Variants in PALD1 observed in about 807,000 individuals in gnomAD.
PALD1 encodes the protein phosphatase domain containing paladin 1, also known as paladin.
A neutral mutation model predicts 96.0 loss-of-function variants in PALD1; 57 were observed. The observed-to-expected ratio is 0.59, with a 90% CI of 0.48 to 0.74. The LOEUF is 0.74. Among genes scored for constraint, PALD1 ranks in the 30% least tolerant of loss-of-function variants. The pLI is 0.00. For synonymous variants in PALD1, 464 were observed against 473.6 expected (o/e 0.98, Z 0.26); for missense variants, 1,063 against 1,143.7 (o/e 0.93, Z 1.02).
chr10:70,550,217 T>C (rs1040443435), intron 18 of PALD1, among the ~76,000 whole-genome samples: 15 of 152,200 alleles, frequency 9.9e-5, no homozygotes, highest in African/African-American at 3.1e-4. Context: ...ATTTAGTTGG[T>C]AGGGGTGTCT....
chr10:70,470,292 T>G, the PALD1 span, among the ~76,000 whole-genome samples: 158 of 152,318 alleles, frequency 1.0e-3, no homozygotes, highest in African/African-American at 3.7e-3. Context: ...TACTATTCTC[T>G]ACATTTGTGC....
At chr10:70,507,010 T>G (rs546099062) in intron 1 of PALD1, among the ~76,000 whole-genome samples, 1 of 152,258 alleles carries the variant, frequency 6.6e-6, no homozygotes, top group East Asian at 1.9e-4. Flanking sequence ...TAAAACCCCA[T>G]CTGTGCTGTC....
intron 18 of PALD1, among the ~76,000 whole-genome samples, chr10:70,563,453 G>T (rs995856617): frequency 3.3e-5 from 5 of 152,190 alleles, no homozygotes; most frequent in African/African-American, 1.2e-4. Context: ...GCCCCAGCAC[G>T]TGGCCTGGTG....
At position 70,526,095 on chromosome 10, in the gene PALD1, C is replaced by G; in HGVS notation, c.144C>G (p.Ala48=). The change falls in exon 2 of 20, where the codon GCC becomes GCG. Residue 48 remains alanine, a synonymous_variant. Transcript: ENST00000263563. ...GCACTAGCTTGCATAACAGCAAGGC[C>G]AAGTCCATCATCCCCAACAAGGTGG... ...FQSTSLHNSK[A]KSIIPNKVAP... is the part of the protein sequence containing the mutation. The G allele has an allele frequency of 1.9e-6, 3 of 1,614,196 alleles. No individual in the cohort carries two copies. Among genetic ancestry groups the G allele is most frequent in the Non-Finnish European group, 8.5e-7 (1 of 1,180,004 alleles).
the PALD1 span, among the ~76,000 whole-genome samples, chr10:70,459,218 T>G: frequency 6.6e-6 from 1 of 152,176 alleles, no homozygotes; most frequent in Admixed American, 6.5e-5. Context: ...GCCCTCCCGC[T>G]GGCACTATAC....
Position 70,564,443 on chromosome 10 carries a change from T to C in PALD1, c.2342T>C (p.Leu781Pro), listed in dbSNP as rs1299560590. Reference sequence around the variant, plus strand: ...CAGTACTTGGAGCGCTATGTCTGCCTGATTCTCTTCAACGCGTACCTCCAC... The same window carrying C: ...CAGTACTTGGAGCGCTATGTCTGCCCGATTCTCTTCAACGCGTACCTCCAC... ...SLQYLERYVC[L>P]ILFNAYLHLE... The change falls in exon 19 of 20, where the codon CTG becomes CCG. Residue 781 changes from leucine to proline, a missense_variant. By Grantham distance (98) the Leu-to-Pro change is moderately conservative. Coordinates refer to ENST00000263563, the MANE Select transcript of PALD1 (RefSeq NM_014431.3). 6.2e-7 allele frequency: 1 copy of C among 1,614,132 alleles called. No homozygotes were observed.
At chr10:70,501,834 T>TGTGTGTGTGC (rs774868338) in intron 1 of PALD1, among the ~76,000 whole-genome samples, 48 of 149,498 alleles carry the variant, frequency 3.2e-4, no homozygotes, top group African/African-American at 8.6e-4. Flanking sequence ...TGTGTGTGTG[T>TGTGTGTGTGC]GCGTGCGTGC....
At chr10:70,461,738 T>C in the PALD1 span, among the ~76,000 whole-genome samples, 1 of 152,226 alleles carries the variant, frequency 6.6e-6, no homozygotes, top group South Asian at 2.1e-4. Flanking sequence ...CAGAAAGCCC[T>C]TGGCACTTGC....
intron 1 of PALD1, among the ~76,000 whole-genome samples, chr10:70,520,740 G>T (rs1220280468): frequency 7.1e-6 from 1 of 140,960 alleles, no homozygotes; most frequent in Non-Finnish European, 1.5e-5. Context: ...TGCCCAGGCT[G>T]GAGTGCAATG....
intron 1 of PALD1, among the ~76,000 whole-genome samples, chr10:70,512,626 G>A (rs948764722): frequency 2.6e-5 from 4 of 152,268 alleles, no homozygotes; most frequent in Admixed American, 2.0e-4. Flanking sequence ...TAGGACAGTG[G>A]CCAAGAAGCG....
intron 1 of PALD1, among the ~76,000 whole-genome samples, chr10:70,492,398 G>A (rs1045667069): frequency 2.0e-5 from 3 of 148,198 alleles, no homozygotes; most frequent in Non-Finnish European, 3.0e-5. Flanking sequence ...TGGAACCATC[G>A]TTAAGTCAGG....
intron 1 of PALD1, among the ~76,000 whole-genome samples, chr10:70,492,448 C>CTTTTTT (rs1157960799): frequency 1.2e-5 from 1 of 80,156 alleles, no homozygotes; most frequent in African/African-American, 4.1e-5. Flanking sequence ...GCATTTTTGA[C>CTTTTTT]TTTTTTTTTT....
intron 18 of PALD1, among the ~76,000 whole-genome samples, chr10:70,556,987 A>T (rs914391331): frequency 6.6e-6 from 1 of 152,210 alleles, no homozygotes; most frequent in Non-Finnish European, 1.5e-5. Flanking sequence ...GAGTGGATGG[A>T]GGGAAGGTTG....
the PALD1 span, among the ~76,000 whole-genome samples, chr10:70,460,829 G>A: frequency 6.6e-6 from 1 of 152,222 alleles, no homozygotes; most frequent in African/African-American, 2.4e-5. Context: ...GCCGAGGCGG[G>A]CGGATCACCT....
At chr10:70,554,892 C>A in intron 18 of PALD1, among the ~76,000 whole-genome samples, 1 of 127,272 alleles carries the variant, frequency 7.9e-6, no homozygotes, top group Non-Finnish European at 1.7e-5. Flanking sequence ...TTGAGCAGTG[C>A]TTTTTGAGCC....
chr10:70,551,865 G>A (rs1238865234), intron 18 of PALD1, among the ~76,000 whole-genome samples: 1 of 152,106 alleles, frequency 6.6e-6, no homozygotes, highest in Non-Finnish European at 1.5e-5. Flanking sequence ...AGGACAGTAA[G>A]TACCAAAAGC....
chr10:70,537,779 G>A (rs890514735), intron 10 of PALD1, 32 bp from the exon 11 acceptor site: 3 of 1,487,642 alleles, frequency 2.0e-6, no homozygotes, highest in Non-Finnish European at 2.8e-6. Context: ...TGCCTGAGGA[G>A]TCTGTCCTTA....
chr10:70,461,030 G>C, the PALD1 span, among the ~76,000 whole-genome samples: 67 of 152,136 alleles, frequency 4.4e-4, no homozygotes, highest in African/African-American at 1.4e-3. Context: ...ACTCCAGCCT[G>C]AGCAACAAGA....
At chr10:70,531,246 C>T (rs375683449) in intron 4 of PALD1, 44 bp from the exon 5 acceptor site, 9 of 1,564,214 alleles carry the variant, frequency 5.8e-6, no homozygotes, top group Non-Finnish European at 7.0e-6. Flanking sequence ...GGTGTCTGTG[C>T]GGGATCATGA....
Sources: allele counts gnomAD v4.1 joint callset (sites outside exome capture counted in the v4.1 genomes callset), GRCh38; gene constraint gnomAD v4.1.1; transcripts MANE v1.5; gene names NCBI Gene and HGNC (gene_info 2026-07-23, HGNC 2026-07-21).